RBFOX1: variants seen among roughly 807,000 people sequenced by gnomAD.
The protein encoded by RBFOX1 is RNA binding protein fox-1 homolog 1.
RBFOX1 carries 8 observed loss-of-function variants against 57.7 expected under a neutral mutation model. That is an observed-to-expected ratio of 0.14 (90% confidence interval 0.08 to 0.25). The LOEUF is 0.25. Among genes scored for constraint, RBFOX1 ranks in the 10% least tolerant of loss-of-function variants. The pLI is 1.00. For synonymous variants in RBFOX1, 326 were observed against 222.4 expected, an observed-to-expected ratio of 1.47 and a Z score of -4.15; for missense variants, 611 against 548.5, an observed-to-expected ratio of 1.11 and a Z score of -1.14.
At chr16:6,879,164 C>G (rs1281971443) in intron 3 of RBFOX1, among the ~76,000 whole-genome samples, 1 of 152,120 alleles carries the variant, frequency 6.6e-6, no homozygotes, top group Non-Finnish European at 1.5e-5. Flanking sequence ...AAAACGGCTG[C>G]AAGAATATCA....
At chr16:7,670,053 A>G (rs1435646760) in intron 13 of RBFOX1, among the ~76,000 whole-genome samples, 1 of 152,134 alleles carries the variant, frequency 6.6e-6, no homozygotes, top group African/African-American at 2.4e-5. Flanking sequence ...TTTTTGGGAG[A>G]CATAGCCTCC....
chr16:5,463,310 C>T (rs567876592), intron 1 of RBFOX1, among the ~76,000 whole-genome samples: 3 of 152,266 alleles, frequency 2.0e-5, no homozygotes, highest in South Asian at 2.1e-4. Context: ...TGCAGGGCAG[C>T]TCAGTGGCAT....
At chr16:7,152,072 C>G (rs1317434415) in intron 4 of RBFOX1, among the ~76,000 whole-genome samples, 2 of 152,164 alleles carry the variant, frequency 1.3e-5, no homozygotes, top group Admixed American at 1.3e-4. Context: ...TTGACAGTCC[C>G]TGTATTGAAG....
intron 3 of RBFOX1, among the ~76,000 whole-genome samples, chr16:6,784,411 A>G (rs896252903): frequency 1.3e-5 from 2 of 151,842 alleles, no homozygotes; most frequent in Admixed American, 1.3e-4. Context: ...ACTCTGATGC[A>G]TTTTTGTGTT....
intron 12 of RBFOX1, among the ~76,000 whole-genome samples, chr16:7,655,062 A>C (rs1367654663): frequency 6.6e-6 from 1 of 152,218 alleles, no homozygotes; most frequent in Non-Finnish European, 1.5e-5. Flanking sequence ...AAAGGGTTAA[A>C]TGCCCTTTTC....
chr16:7,097,036 AAAC>A (rs1324364365), intron 4 of RBFOX1, among the ~76,000 whole-genome samples: 1 of 152,148 alleles, frequency 6.6e-6, no homozygotes, highest in Non-Finnish European at 1.5e-5. Flanking sequence ...GGTTTGGTAA[AAAC>A]AACAGATGCC....
chr16:6,922,437 A>G (rs1432283655), intron 3 of RBFOX1, among the ~76,000 whole-genome samples: 1 of 152,156 alleles, frequency 6.6e-6, no homozygotes, highest in Non-Finnish European at 1.5e-5. Context: ...GAGCACTTCC[A>G]GGCTGTCTTG....
chr16:7,650,818 T>C (rs1307431335), intron 11 of RBFOX1, among the ~76,000 whole-genome samples: 1 of 152,196 alleles, frequency 6.6e-6, no homozygotes, highest in Middle Eastern at 3.2e-3. Flanking sequence ...ACTTAATAGT[T>C]GAACTGTGGC....
intron 4 of RBFOX1, among the ~76,000 whole-genome samples, chr16:7,307,764 C>A (rs903357837): frequency 2.6e-5 from 4 of 152,102 alleles, no homozygotes; most frequent in Admixed American, 6.5e-5. Context: ...ACACACACAC[C>A]TAGTATAGAG....
intron 4 of RBFOX1, among the ~76,000 whole-genome samples, chr16:7,280,081 G>A (rs2095511961): frequency 6.6e-6 from 1 of 152,226 alleles, no homozygotes; most frequent in African/African-American, 2.4e-5. Flanking sequence ...GATTGTGCCT[G>A]CTATGGAAAG....
At chr16:5,841,926 C>A (rs1284688596) in intron 3 of RBFOX1, among the ~76,000 whole-genome samples, 1 of 152,224 alleles carries the variant, frequency 6.6e-6, no homozygotes, top group African/African-American at 2.4e-5. Flanking sequence ...AAATTAAACA[C>A]CACCAGGTCT....
intron 1 of RBFOX1, among the ~76,000 whole-genome samples, chr16:6,118,532 C>T (rs76520742): frequency 0.019 from 2,825 of 152,012 alleles, 79 homozygotes; most frequent in African/African-American, 0.062. Context: ...CTGCTGCCGC[C>T]GCCTCCGCCT....
chr16:5,287,527 A>G (rs973096339), intron 1 of RBFOX1, among the ~76,000 whole-genome samples: 3 of 152,174 alleles, frequency 2.0e-5, no homozygotes, highest in African/African-American at 7.2e-5. Context: ...ATGCTGCATA[A>G]CAAGTCACTC....
At chr16:5,943,827 A>G (rs541489044) in intron 4 of RBFOX1, among the ~76,000 whole-genome samples, 1 of 152,064 alleles carries the variant, frequency 6.6e-6, no homozygotes, top group African/African-American at 2.4e-5. Flanking sequence ...TCACCCATCC[A>G]TCGACCCACC....
intron 1 of RBFOX1, among the ~76,000 whole-genome samples, chr16:6,040,240 TG>T (rs2095421500): frequency 6.6e-6 from 1 of 152,230 alleles, no homozygotes; most frequent in South Asian, 2.1e-4. Context: ...CATTTTGAAG[TG>T]TATGGTTCAG....
At chr16:6,797,109 G>C (rs1247195747) in intron 3 of RBFOX1, among the ~76,000 whole-genome samples, 1 of 152,154 alleles carries the variant, frequency 6.6e-6, no homozygotes, top group East Asian at 1.9e-4. Flanking sequence ...CCCACAGGTA[G>C]AAGGCTCTGC....
At chr16:7,146,079 G>A (rs183486389) in intron 4 of RBFOX1, among the ~76,000 whole-genome samples, 19 of 152,304 alleles carry the variant, frequency 1.2e-4, no homozygotes, top group African/African-American at 4.3e-4. Flanking sequence ...CCAAATGGGG[G>A]CAAGAATGAA....
At chr16:7,175,735 T>G (rs749094099) in intron 4 of RBFOX1, among the ~76,000 whole-genome samples, 1 of 152,216 alleles carries the variant, frequency 6.6e-6, no homozygotes. Flanking sequence ...GTAGTTGGTA[T>G]TATTTCTTTC....
chr16:6,164,058 A>G (rs924260558), intron 1 of RBFOX1, among the ~76,000 whole-genome samples: 27 of 152,208 alleles, frequency 1.8e-4, no homozygotes, highest in African/African-American at 6.0e-4. Flanking sequence ...AAAATTGCTG[A>G]TAGAATTTTA....
Sources: allele counts gnomAD v4.1 joint callset (sites outside exome capture counted in the v4.1 genomes callset), GRCh38; gene constraint gnomAD v4.1.1; transcripts MANE v1.5; gene names NCBI Gene and HGNC (gene_info 2026-07-23, HGNC 2026-07-21).